Variants in FOXK2 observed in about 807,000 individuals in gnomAD.
The protein encoded by FOXK2 is forkhead box K2.
A neutral mutation model predicts 53.3 loss-of-function variants in FOXK2; 24 were observed. The ratio of observed to expected loss-of-function variants is 0.45; its 90% confidence interval spans 0.33 to 0.63. The LOEUF is 0.63. Ranked by LOEUF, FOXK2 falls within the 30% of genes least tolerant of loss-of-function variation. The pLI is 0.03. For synonymous variants in FOXK2, 505 were observed against 407.1 expected (o/e 1.24, Z -2.89); for missense variants, 952 against 910.5 (o/e 1.05, Z -0.59).
At chr17:82,586,237 G>C (rs1458962570) in intron 7 of FOXK2, 37 bp downstream of exon 7, 1 of 1,137,570 alleles carries the variant, frequency 8.8e-7, no homozygotes, top group Non-Finnish European at 1.1e-6. Flanking sequence ...GGAGACCACA[G>C]GGAGGTGAAA....
At chr17:82,567,950 A>G (rs1383480154) in intron 2 of FOXK2, 104 bp from the exon 3 acceptor site, 2 of 579,338 alleles carry the variant, frequency 3.5e-6, no homozygotes, top group Non-Finnish European at 4.9e-6. Context: ...TTTTTTTTTA[A>G]CATTTCTGTA....
chr17:82,563,252 T>C, intron 1 of FOXK2, 102 bp from the exon 2 acceptor site: 1 of 1,096,842 alleles, frequency 9.1e-7, no homozygotes, highest in Non-Finnish European at 1.3e-6. Context: ...AAGTGTTGCA[T>C]CCATGTTCTC....
chr17:82,549,939 A>G (rs1407689589), intron 1 of FOXK2, among the ~76,000 whole-genome samples: 1 of 152,230 alleles, frequency 6.6e-6, no homozygotes, highest in Non-Finnish European at 1.5e-5. Context: ...CCAGTGGCTC[A>G]TGCCTGTAAT....
At chr17:82,543,057 A>G (rs954473258) in intron 1 of FOXK2, among the ~76,000 whole-genome samples, 7 of 152,172 alleles carry the variant, frequency 4.6e-5, no homozygotes, top group Middle Eastern at 3.2e-3. Context: ...GGAAAAGTAG[A>G]ATAAGTTAAA....
At chr17:82,570,732 TCATC>T (rs766072037) in intron 3 of FOXK2, among the ~76,000 whole-genome samples, 13 of 152,344 alleles carry the variant, frequency 8.5e-5, no homozygotes, top group Non-Finnish European at 1.9e-4. Context: ...CTGTTGCTCT[TCATC>T]CATGTTGACA....
In FOXK2 at chr17:82,602,413, C is replaced by T. The variant is rs538338503; in HGVS notation, c.*914C>T. 1 of 152,374 alleles carries T rather than the reference C, an allele frequency of 6.6e-6. No individual in the cohort carries two copies. Among genetic ancestry groups the T allele is most frequent in the Admixed American group, 6.5e-5 (1 of 15,302 alleles). 9.4% of individuals were successfully genotyped at this position (152,374 alleles called of 1,614,324 possible). ...TAAGTATTGTGTATGTTTAAAACGA[C>T]AGAACCATTTCTACTTCATTTGGAA... On this transcript the variant is annotated 3_prime_UTR_variant, in exon 9 of 9. Coordinates refer to ENST00000335255, the MANE Select transcript of FOXK2 (RefSeq NM_004514.4).
intron 1 of FOXK2, among the ~76,000 whole-genome samples, chr17:82,557,247 G>C (rs961129496): frequency 6.6e-6 from 1 of 150,562 alleles, no homozygotes; most frequent in Non-Finnish European, 1.5e-5. Flanking sequence ...GGTCAGGCTG[G>C]TCTCGAACTC....
chr17:82,542,753 A>C (rs1483840537), intron 1 of FOXK2, among the ~76,000 whole-genome samples: 1 of 152,072 alleles, frequency 6.6e-6, no homozygotes. Context: ...GGCTGGATGC[A>C]GTGGCTCATG....
chr17:82,546,396 C>T (rs1395638125), intron 1 of FOXK2, among the ~76,000 whole-genome samples: 2 of 152,006 alleles, frequency 1.3e-5, no homozygotes, highest in Admixed American at 6.6e-5. Flanking sequence ...GGATCGCAGG[C>T]ATGAACCACT....
At chr17:82,568,012 C>T (rs750477189) in intron 2 of FOXK2, 42 bp from the exon 3 acceptor site, 3 of 1,532,702 alleles carry the variant, frequency 2.0e-6, no homozygotes, top group Admixed American at 4.8e-5. Context: ...AGGATGCGTG[C>T]ACTGTGATAG....
intron 1 of FOXK2, among the ~76,000 whole-genome samples, chr17:82,536,600 G>C (rs772772732): frequency 6.6e-6 from 1 of 152,168 alleles, no homozygotes; most frequent in Non-Finnish European, 1.5e-5. Flanking sequence ...CAGTCTTTAC[G>C]AACTGGCTCT....
At chr17:82,574,865 C>T (rs1046212056) in intron 4 of FOXK2, among the ~76,000 whole-genome samples, 1 of 152,168 alleles carries the variant, frequency 6.6e-6, no homozygotes, top group African/African-American at 2.4e-5. Context: ...TCTGAGGAAT[C>T]CTATTTGAAA....
intron 8 of FOXK2, among the ~76,000 whole-genome samples, chr17:82,592,935 G>C (rs1322746698): frequency 6.6e-6 from 1 of 150,514 alleles, no homozygotes; most frequent in Non-Finnish European, 1.5e-5. Flanking sequence ...ACCCTGTGAA[G>C]GTCTCCCTGC....
intron 8 of FOXK2, among the ~76,000 whole-genome samples, chr17:82,593,202 G>GGCAGA (rs1452446238): frequency 1.3e-5 from 2 of 150,608 alleles, no homozygotes; most frequent in Non-Finnish European, 3.0e-5. Context: ...CCCTGTGCCA[G>GGCAGA]GCAGAGGCTC....
At chr17:82,540,720 A>G (rs1324703090) in intron 1 of FOXK2, among the ~76,000 whole-genome samples, 1 of 152,188 alleles carries the variant, frequency 6.6e-6, no homozygotes, top group Non-Finnish European at 1.5e-5. Flanking sequence ...TCTCAGTGCC[A>G]TCTAGGGAGG....
At chr17:82,544,446 A>C (rs1027047003) in intron 1 of FOXK2, among the ~76,000 whole-genome samples, 1 of 152,176 alleles carries the variant, frequency 6.6e-6, no homozygotes, top group Non-Finnish European at 1.5e-5. Context: ...CACGCCACCC[A>C]AAACCGTGGG....
In FOXK2 at chr17:82,571,798, C is replaced by T. The variant is rs375800179; in HGVS notation, c.837C>T (p.Leu279=). 3.7e-6 allele frequency: 6 copies of T among 1,604,768 alleles called. No individual in the cohort carries two copies. Among genetic ancestry groups the T allele is most frequent in the Admixed American group, 1.7e-5 (1 of 58,186 alleles). Residue 279 remains leucine (L), a synonymous_variant, in exon 4 of 9, where the codon CTC becomes CTT. Coordinates refer to ENST00000335255, the MANE Select transcript of FOXK2 (RefSeq NM_004514.4). ...TTACGATGGCTCCCGACAAACAGCT[C>T]ACCCTGAACGGGATTTATACACACA... ...QAITMAPDKQ[L]TLNGIYTHIT...
chr17:82,577,575 C>T (rs1300333744), intron 4 of FOXK2, among the ~76,000 whole-genome samples: 1 of 152,012 alleles, frequency 6.6e-6, no homozygotes, highest in Non-Finnish European at 1.5e-5. Flanking sequence ...GTGCATACCG[C>T]CGACACTGCG....
intron 1 of FOXK2, among the ~76,000 whole-genome samples, chr17:82,531,329 G>GT (rs1350129736): frequency 3.3e-5 from 5 of 152,318 alleles, no homozygotes; most frequent in African/African-American, 1.2e-4. Flanking sequence ...AGTTATAAAT[G>GT]TAAGTCAGAT....
Sources: gnomAD v4.1 joint callset for allele counts (sites outside exome capture counted in the v4.1 genomes callset) on GRCh38, gnomAD v4.1.1 for gene constraint, MANE v1.5 for transcripts, NCBI Gene and HGNC (gene_info 2026-07-23, HGNC 2026-07-21) for gene names.